KCNN3: variants seen among roughly 807,000 people sequenced by gnomAD.
KCNN3 encodes the protein small conductance calcium-activated potassium channel protein 3.
KCNN3 carries 16 observed loss-of-function variants against 62.9 expected under a neutral mutation model. The ratio of observed to expected loss-of-function variants is 0.25; its 90% CI spans 0.17 to 0.39. The LOEUF (loss-of-function observed/expected upper bound fraction) is 0.39. KCNN3 is among the 10% of genes least tolerant of loss of function. The pLI is 1.00. For synonymous variants in KCNN3, 370 were observed against 389.2 expected, an observed-to-expected ratio of 0.95 and a Z score of 0.58; for missense variants, 599 against 949.4, an observed-to-expected ratio of 0.63 and a Z score of 4.85.
chr1:154,721,873 G>A (rs1049240110), intron 5 of KCNN3, among the ~76,000 whole-genome samples: 1 of 151,308 alleles, frequency 6.6e-6, no homozygotes, highest in Non-Finnish European at 1.5e-5. Context: ...GTAGCCCAGA[G>A]ATTAGCAATA....
intron 3 of KCNN3, among the ~76,000 whole-genome samples, chr1:154,751,868 G>A (rs746458259): frequency 6.6e-6 from 1 of 152,354 alleles, no homozygotes; most frequent in Non-Finnish European, 1.5e-5. Flanking sequence ...GAAACTGGCA[G>A]ATGAGAGGAG....
intron 2 of KCNN3, among the ~76,000 whole-genome samples, chr1:154,789,666 G>A (rs749147479): frequency 2.6e-4 from 40 of 152,138 alleles, no homozygotes; most frequent in Admixed American, 2.4e-3. Context: ...CCCTGCCATC[G>A]GAGAGGCGGC....
intron 2 of KCNN3, among the ~76,000 whole-genome samples, chr1:154,796,608 T>C (rs1649743697): frequency 6.6e-6 from 1 of 152,218 alleles, no homozygotes; most frequent in South Asian, 2.1e-4. Context: ...GTTACAAATT[T>C]GTGGTTTGGG....
At chr1:154,803,471 C>T (rs1429407823) in intron 2 of KCNN3, among the ~76,000 whole-genome samples, 7 of 152,190 alleles carry the variant, frequency 4.6e-5, no homozygotes, top group Non-Finnish European at 8.8e-5. Context: ...TAAATAAACA[C>T]GTTCATCAAC....
chr1:154,859,721 TG>T, intron 1 of KCNN3: 1 of 1,614,184 alleles, frequency 6.2e-7, no homozygotes, highest in Non-Finnish European at 8.5e-7. Context: ...ATCTATAACC[TG>T]AAGCAAAACA....
At chr1:154,746,696 G>A (rs922843845) in intron 3 of KCNN3, among the ~76,000 whole-genome samples, 2 of 151,932 alleles carry the variant, frequency 1.3e-5, no homozygotes, top group African/African-American at 4.8e-5. Flanking sequence ...CCTCCCCTGT[G>A]AGGACCCACA....
At chr1:154,850,835 T>A (rs1652271297) in intron 1 of KCNN3, among the ~76,000 whole-genome samples, 1 of 152,230 alleles carries the variant, frequency 6.6e-6, no homozygotes, top group Admixed American at 6.5e-5. Context: ...TTATGACACA[T>A]TTTATTCATC....
Position 154,704,683 on chromosome 1 carries a change from C to T in KCNN3, c.*3293G>A, listed in dbSNP as rs1226845645. 1.3e-5 allele frequency: 2 copies of T among 152,094 alleles called. No homozygotes were observed. The highest frequency in any genetic ancestry group is 3.8e-4 in the East Asian group (2 of 5,202). 9.4% of individuals were successfully genotyped at this position (152,094 alleles called of 1,614,324 possible). On this transcript the variant is annotated 3_prime_UTR_variant, in exon 8 of 8. Transcript: ENST00000271915. ...TGTCAGAAAGATTATAGTAGGGGAT[C>T]TGCCATTGGGTCAGTCCTCTAGGAG...
At chr1:154,778,610 TC>T (rs1254468232) in intron 2 of KCNN3, among the ~76,000 whole-genome samples, 65 of 114,126 alleles carry the variant, frequency 5.7e-4, no homozygotes, top group Middle Eastern at 4.1e-3. Flanking sequence ...TCTCTCTGTC[TC>T]TTTTTTTTTT....
chr1:154,714,556 GGT>G (rs1165838953), intron 6 of KCNN3, among the ~76,000 whole-genome samples: 2 of 63,418 alleles, frequency 3.2e-5, no homozygotes, highest in East Asian at 4.0e-4. Context: ...GTGTGTGTGT[GGT>G]GTGTGTGTGG....
In KCNN3 at chr1:154,699,463, C is replaced by T. The variant is rs529953160; in HGVS notation, c.*8513G>A. 6.6e-6 allele frequency: 1 copy of T among 152,254 alleles called. No homozygotes were observed. Among genetic ancestry groups the T allele is most frequent in the Admixed American group, 6.5e-5 (1 of 15,302 alleles). The allele number at this position is 152,254 out of a possible 1,614,324, so 9.4% of individuals were successfully genotyped here. On this transcript the variant is annotated 3_prime_UTR_variant, in exon 8 of 8. Transcript: ENST00000271915. ...TTTGCCTACATACACGTCACACACA[C>T]ACATACATATTTATACTGACCTCTT...
intron 5 of KCNN3, among the ~76,000 whole-genome samples, chr1:154,725,222 G>A (rs1430998596): frequency 6.6e-6 from 1 of 152,086 alleles, no homozygotes; most frequent in Non-Finnish European, 1.5e-5. Context: ...TACTTTTATA[G>A]TTTTAGGTAT....
At chr1:154,773,500 T>C (rs192690839) in intron 2 of KCNN3, among the ~76,000 whole-genome samples, 21 of 152,332 alleles carry the variant, frequency 1.4e-4, no homozygotes, top group Non-Finnish European at 2.1e-4. Context: ...CTGGGGCTGG[T>C]GACTAGCATC....
chr1:154,831,238 G>T (rs986902978), intron 1 of KCNN3, among the ~76,000 whole-genome samples: 2 of 152,172 alleles, frequency 1.3e-5, no homozygotes, highest in Admixed American at 6.5e-5. Flanking sequence ...AGTGTTTCTT[G>T]GGTAAATGAA....
At chr1:154,856,325 C>T (rs1483128560) in intron 1 of KCNN3, among the ~76,000 whole-genome samples, 2 of 152,168 alleles carry the variant, frequency 1.3e-5, no homozygotes, top group African/African-American at 4.8e-5. Flanking sequence ...GATGTCTTCA[C>T]AGGCTTTCGC....
At chr1:154,769,957 G>A (rs575568544) in intron 3 of KCNN3, among the ~76,000 whole-genome samples, 1 of 152,350 alleles carries the variant, frequency 6.6e-6, no homozygotes, top group African/African-American at 2.4e-5. Context: ...TAAATCCTGT[G>A]TCCAGCTTTC....
intron 3 of KCNN3, among the ~76,000 whole-genome samples, chr1:154,757,517 A>T (rs1360359325): frequency 1.3e-5 from 2 of 152,166 alleles, no homozygotes; most frequent in African/African-American, 4.8e-5. Context: ...ATAGAATGGA[A>T]CTGTCAAGAG....
At chr1:154,723,898 C>T (rs965971136) in intron 5 of KCNN3, among the ~76,000 whole-genome samples, 2 of 152,318 alleles carry the variant, frequency 1.3e-5, no homozygotes, top group East Asian at 1.9e-4. Flanking sequence ...ATGACTTTTG[C>T]ACCCATTATT....
At chr1:154,754,500 C>A (rs1282062770) in intron 3 of KCNN3, among the ~76,000 whole-genome samples, 2 of 152,178 alleles carry the variant, frequency 1.3e-5, no homozygotes, top group African/African-American at 2.4e-5. Flanking sequence ...CATTTTCCCG[C>A]CATGTGAATG....
Sources: gnomAD v4.1 joint callset for allele counts (sites outside exome capture counted in the v4.1 genomes callset) on GRCh38, gnomAD v4.1.1 for gene constraint, MANE v1.5 for transcripts, NCBI Gene and HGNC (gene_info 2026-07-23, HGNC 2026-07-21) for gene names.